Variants in UBR2 observed in about 807,000 individuals in gnomAD.
UBR2 encodes ubiquitin protein ligase E3 component n-recognin 2.
Under a neutral mutation model 247.9 loss-of-function variants are expected in UBR2, and 92 were observed. The ratio of observed to expected loss-of-function variants is 0.37; its 90% CI spans 0.31 to 0.44. The LOEUF (loss-of-function observed/expected upper bound fraction) is 0.44, where lower values mean the gene tolerates loss of function less well. Ranked by LOEUF, UBR2 falls within the 20% of genes least tolerant of loss-of-function variation. UBR2 has a pLI of 1.00. For synonymous variants in UBR2, 672 were observed against 693.5 expected, an observed-to-expected ratio of 0.97 and a Z score of 0.49; for missense variants, 1,613 against 2,112.6, an observed-to-expected ratio of 0.76 and a Z score of 4.64.
chr6:42,650,208 T>C (rs1582644539), intron 22 of UBR2, 76 bp from the exon 23 acceptor site: 1 of 1,215,564 alleles, frequency 8.2e-7, no homozygotes. Context: ...GCTTTCTTGT[T>C]CTAATATCCA....
Position 42,659,351 on chromosome 6 carries a change from A to G in UBR2, c.3243-305A>G, listed in dbSNP as rs528336522. On this transcript the variant is annotated intron_variant, in intron 29 of 46. Transcript: ENST00000372901. The surrounding 1 kb of genome is among the most constrained non-coding windows in gnomAD (Gnocchi z 4.3). ...TCTACTAAAAATACAAAAAAAAAAA[A>G]TTAGCCGGGTGTGGTGGTGCATGCC... is the stretch of plus-strand genomic sequence containing the variant. Among the ~76,000 whole-genome samples the G allele has an allele frequency of 1.6e-3, 246 of 151,770 alleles. No individual in the cohort carries two copies. Among genetic ancestry groups the G allele is most frequent in the Non-Finnish European group, 2.0e-3 (134 of 67,898 alleles).
chr6:42,648,406 G>C (rs764768929), intron 22 of UBR2, among the ~76,000 whole-genome samples: 2 of 152,152 alleles, frequency 1.3e-5, no homozygotes, highest in Non-Finnish European at 2.9e-5. Context: ...TTCAGAATAG[G>C]TGTTCATAGC....
chr6:42,662,327 A>T (rs370052197), intron 31 of UBR2, 50 bp downstream of exon 31: 1 of 1,181,650 alleles, frequency 8.5e-7, no homozygotes, highest in African/African-American at 1.6e-5. Flanking sequence ...TAAGGGCTCA[A>T]TATTTTTTAA....
rs1445199621 is a variant in UBR2 at position 42,692,776 on chromosome 6, A to G, written c.*1603A>G. 2.6e-5 allele frequency: 4 copies of G among 152,240 alleles called. 1 individual carries two copies. The highest frequency in any genetic ancestry group is 9.6e-5 in the African/African-American group (4 of 41,470). 9.4% of individuals were successfully genotyped at this position (152,240 alleles called of 1,614,324 possible). A position where few individuals can be genotyped will look rare whatever the true frequency, so the allele number is the denominator to read the frequency against. The stretch of plus-strand genomic sequence containing the variant: ...GATGTAGAAGCCACATTCCTCTCCA[A>G]GGTAGTGTGTGAAAGAACCGCCCCC... On this transcript the variant is annotated 3_prime_UTR_variant, in exon 47 of 47. Transcript: ENST00000372901.
chr6:42,652,276 T>C (rs186326752), intron 24 of UBR2, among the ~76,000 whole-genome samples: 1 of 152,332 alleles, frequency 6.6e-6, no homozygotes, highest in East Asian at 1.9e-4. Flanking sequence ...TTATCTCAGA[T>C]CTTAAGACCT....
chr6:42,630,899 C>G (rs1273158357), intron 11 of UBR2, among the ~76,000 whole-genome samples: 1 of 151,904 alleles, frequency 6.6e-6, no homozygotes, highest in Non-Finnish European at 1.5e-5. Context: ...CTTGACCTCC[C>G]AGGCTCAGGT....
rs893454618 is a variant in UBR2 at position 42,571,782 on chromosome 6, C to T, written c.79-1952C>T. On this transcript the variant is annotated intron_variant, in intron 1 of 46. Coordinates refer to ENST00000372901, the MANE Select transcript of UBR2 (RefSeq NM_001363705.2). The stretch of plus-strand genomic sequence containing the variant: ...GCGCTTAGGATCATTTGACTACCTT[C>T]ATTCTTGTTTTGGTTTGCTGACAAT... Among the ~76,000 whole-genome samples the T allele has an allele frequency of 4.7e-5, 7 of 148,354 alleles. No individual in the cohort carries two copies. The East Asian group carries it at 1.2e-3, about 25-fold the overall frequency.
At chr6:42,619,183 T>C (rs1419894415) in intron 11 of UBR2, among the ~76,000 whole-genome samples, 1 of 151,754 alleles carries the variant, frequency 6.6e-6, no homozygotes, top group East Asian at 1.9e-4. Flanking sequence ...CCAAAATGTT[T>C]TCGCTTATTC....
At chr6:42,664,280 A>T (rs1246071730) in intron 32 of UBR2, 1 of 152,238 alleles carries the variant, frequency 6.6e-6, no homozygotes, top group Non-Finnish European at 1.5e-5. Flanking sequence ...GCTCTTTTAG[A>T]ATTTGTCTAG....
intron 43 of UBR2, among the ~76,000 whole-genome samples, chr6:42,684,088 GTGATTCCACCC>G (rs1799211816): frequency 1.3e-5 from 2 of 152,298 alleles, no homozygotes; most frequent in South Asian, 4.1e-4. Context: ...ACAATTTCAT[GTGATTCCACCC>G]TGACGTCAGA....
In UBR2 at chr6:42,603,631, A is replaced by G. The variant is rs1793523177; in HGVS notation, c.575A>G (p.Tyr192Cys). The G allele has an allele frequency of 6.3e-7, 1 of 1,594,716 alleles. No individual in the cohort carries two copies. Among genetic ancestry groups the G allele is most frequent in the Non-Finnish European group, 8.5e-7 (1 of 1,175,422 alleles). Residue 192 changes from tyrosine (Y) to cysteine (C), a missense_variant, in exon 5 of 47, where the codon TAT (tyrosine) becomes TGT (cysteine). By Grantham distance (194) the Tyr-to-Cys change is radical. Coordinates refer to ENST00000372901, the MANE Select transcript of UBR2 (RefSeq NM_001363705.2). The stretch of plus-strand genomic sequence containing the variant: ...TCAGAAGATGTGATAGCAAGAACTT[A>G]TAACATTTTTGCTATTACGTTTCGG... ...HLSEDVIART[Y>C]NIFAITFRYA...
At position 42,651,850 on chromosome 6, in the gene UBR2, G is replaced by A. The variant is rs149928351; in HGVS notation, c.2566-173G>A. Among the ~76,000 whole-genome samples, 61 of 152,140 alleles carry A rather than the reference G, an allele frequency of 4.0e-4. No homozygotes were observed. The East Asian group carries it at 0.012, about 29-fold the overall frequency. ...TCCTTGGCCAGACACATTGGCTCAT[G>A]CCTGTAATCCCAGCACTTTGGGAGG... On this transcript the variant is annotated intron_variant, in intron 23 of 46. Coordinates refer to ENST00000372901, the MANE Select transcript of UBR2 (RefSeq NM_001363705.2).
intron 2 of UBR2, among the ~76,000 whole-genome samples, chr6:42,582,176 G>A (rs112447156): frequency 0.022 from 3,305 of 151,678 alleles, 111 homozygotes; most frequent in African/African-American, 0.075. Context: ...CCAGTTACTC[G>A]GGAGGCTGAG....
chr6:42,622,728 G>A (rs1190736115), intron 11 of UBR2, among the ~76,000 whole-genome samples: 2 of 151,920 alleles, frequency 1.3e-5, no homozygotes, highest in African/African-American at 4.8e-5. Context: ...GATTCTATGG[G>A]AAATTTTTTT....
chr6:42,581,336 C>T (rs574182157), intron 2 of UBR2, among the ~76,000 whole-genome samples: 2 of 152,160 alleles, frequency 1.3e-5, no homozygotes, highest in South Asian at 2.1e-4. Context: ...ATTACAGGCA[C>T]GCACCACCAT....
At chr6:42,655,431 T>C (rs1311985894) in intron 25 of UBR2, among the ~76,000 whole-genome samples, 190 bp from the exon 26 acceptor site, 1 of 147,262 alleles carries the variant, frequency 6.8e-6, no homozygotes, top group South Asian at 2.1e-4. Flanking sequence ...TGAGCCTGGG[T>C]GACAGGGCAA....
At chr6:42,565,679 G>T (rs1790738331) in intron 1 of UBR2, among the ~76,000 whole-genome samples, 1 of 152,070 alleles carries the variant, frequency 6.6e-6, no homozygotes, top group African/African-American at 2.4e-5. Flanking sequence ...TGCTGCCTCA[G>T]CCCCTCGAGT....
At chr6:42,665,274 C>A in intron 32 of UBR2, 135 bp from the exon 33 acceptor site, 1 of 563,760 alleles carries the variant, frequency 1.8e-6, no homozygotes. Context: ...TTTTTTAATG[C>A]AACAAATTTT....
chr6:42,659,555 A>G lies in UBR2; in HGVS notation c.3243-101A>G. ...CACACACACACACACACACACACAC[A>G]CACACACTACACACACACACACATA... On this transcript the variant is annotated intron_variant, in intron 29 of 46. Coordinates refer to ENST00000372901, the MANE Select transcript of UBR2 (RefSeq NM_001363705.2). This position sits in a 1 kb window ranked among gnomAD's most constrained non-coding sequence, Gnocchi z 4.3. 1 of 803,820 alleles carries G rather than the reference A, an allele frequency of 1.2e-6. No homozygotes were observed. Among genetic ancestry groups the G allele is most frequent in the East Asian group, 2.7e-5 (1 of 36,698 alleles). The allele number at this position is 803,820 out of a possible 1,614,324, so 49.8% of individuals were successfully genotyped here. A position where few individuals can be genotyped will look rare whatever the true frequency, so the allele number is the denominator to read the frequency against.
Sources: allele counts gnomAD v4.1 joint callset (sites outside exome capture counted in the v4.1 genomes callset), GRCh38; gene constraint gnomAD v4.1.1; non-coding constraint Gnocchi (gnomAD v3.1); transcripts MANE v1.5; gene names NCBI Gene and HGNC (gene_info 2026-07-23, HGNC 2026-07-21).